Variants in CHCHD6 observed in about 807,000 individuals in gnomAD.
CHCHD6 encodes the protein coiled-coil-helix-coiled-coil-helix domain containing 6.
A neutral mutation model predicts 32.3 loss-of-function variants in CHCHD6; 28 were observed. That is an observed-to-expected ratio of 0.87 (90% CI 0.64 to 1.19). The LOEUF (loss-of-function observed/expected upper bound fraction) is 1.19, where lower values mean the gene tolerates loss of function less well. Ranked by LOEUF, CHCHD6 falls within the 50% of genes most tolerant of loss-of-function variation. The pLI, the probability that CHCHD6 is intolerant of heterozygous loss-of-function variation, is 0.00. For missense variants in CHCHD6, 333 were observed against 307.0 expected, an observed-to-expected ratio of 1.08 and a Z score of -0.63; for synonymous variants, 122 against 117.5, an observed-to-expected ratio of 1.04 and a Z score of -0.25.
chr3:126,834,152 A>G (rs1940762166), intron 4 of CHCHD6, among the ~76,000 whole-genome samples: 1 of 151,854 alleles, frequency 6.6e-6, no homozygotes, highest in Non-Finnish European at 1.5e-5. Flanking sequence ...GTGTAAATTC[A>G]GTTCAACATA....
chr3:126,905,636 A>T (rs527974867), intron 5 of CHCHD6, among the ~76,000 whole-genome samples: 6 of 152,228 alleles, frequency 3.9e-5, no homozygotes, highest in African/African-American at 1.4e-4. Context: ...CAGTCAGGGG[A>T]TGGAGCAGCG....
intron 1 of CHCHD6, among the ~76,000 whole-genome samples, chr3:126,717,684 G>C (rs1021300591): frequency 6.6e-6 from 1 of 152,162 alleles, no homozygotes; most frequent in Non-Finnish European, 1.5e-5. Context: ...CTGGCATTTT[G>C]GTTAGGGTCA....
chr3:126,934,043 T>G (rs966198713), intron 6 of CHCHD6, among the ~76,000 whole-genome samples: 1 of 152,216 alleles, frequency 6.6e-6, no homozygotes, highest in African/African-American at 2.4e-5. Context: ...GCCTTGAGCA[T>G]TTCCCTGGGC....
chr3:126,863,312 C>CTA (rs1942032451), intron 5 of CHCHD6, among the ~76,000 whole-genome samples: 1 of 124,454 alleles, frequency 8.0e-6, no homozygotes, highest in African/African-American at 3.5e-5. Flanking sequence ...TCCTCCTCCT[C>CTA]CATCACCACC....
Position 126,704,403 on chromosome 3 carries a change from A to T in CHCHD6, c.87+4A>T. ...CCGGGTGCTGCAGGGTGTCCGGGTGAGCGGCGCCGCCTGGGCCGGGGCGGG... is the reference window on the plus strand; with the variant it reads ...CCGGGTGCTGCAGGGTGTCCGGGTGTGCGGCGCCGCCTGGGCCGGGGCGGG... On this transcript the variant is annotated splice_donor_region_variant and intron_variant, in intron 1 of 7. Transcript: ENST00000290913. The T allele has an allele frequency of 6.6e-7, 1 of 1,519,648 alleles. No homozygotes were observed. The allele number at this position is 1,519,648 out of a possible 1,614,324, so 94.1% of individuals were successfully genotyped here.
intron 4 of CHCHD6, among the ~76,000 whole-genome samples, chr3:126,746,153 G>A (rs1426890537): frequency 6.6e-6 from 1 of 152,158 alleles, no homozygotes; most frequent in African/African-American, 2.4e-5. Context: ...AAAGCTCTGA[G>A]GCCGCTGGGA....
At chr3:126,868,139 C>A (rs1296938035) in intron 5 of CHCHD6, among the ~76,000 whole-genome samples, 2 of 152,208 alleles carry the variant, frequency 1.3e-5, no homozygotes, top group Admixed American at 6.5e-5. Context: ...GTAGGGCTGC[C>A]ACATGTGGTG....
At chr3:126,787,190 G>A (rs1938259337) in intron 4 of CHCHD6, among the ~76,000 whole-genome samples, 1 of 152,194 alleles carries the variant, frequency 6.6e-6, no homozygotes, top group African/African-American at 2.4e-5. Flanking sequence ...CTGTATCTCT[G>A]TTTTGTTACC....
intron 6 of CHCHD6, among the ~76,000 whole-genome samples, chr3:126,945,636 A>G (rs73209644): frequency 0.02 from 2,524 of 123,178 alleles, 39 homozygotes; most frequent in Middle Eastern, 0.037. Flanking sequence ...GGGGAGACTC[A>G]AGTCGGGAGA....
intron 4 of CHCHD6, among the ~76,000 whole-genome samples, chr3:126,813,172 C>T (rs1436504426): frequency 6.6e-6 from 1 of 152,170 alleles, no homozygotes; most frequent in Non-Finnish European, 1.5e-5. Context: ...TTCAGATCTT[C>T]ATTTTGCCTT....
chr3:126,771,457 C>T (rs9828159), intron 4 of CHCHD6, among the ~76,000 whole-genome samples: 1 of 152,138 alleles, frequency 6.6e-6, no homozygotes, highest in Non-Finnish European at 1.5e-5. Context: ...GATCCGCCCA[C>T]CTCGGCCTCC....
At chr3:126,858,611 T>A (rs1416607160) in intron 5 of CHCHD6, among the ~76,000 whole-genome samples, 1 of 152,192 alleles carries the variant, frequency 6.6e-6, no homozygotes, top group African/African-American at 2.4e-5. Flanking sequence ...CACCTGTGTT[T>A]GCCTCGCCTC....
chr3:126,727,842 A>C (rs577539683), intron 2 of CHCHD6, among the ~76,000 whole-genome samples: 1 of 152,372 alleles, frequency 6.6e-6, no homozygotes, highest in African/African-American at 2.4e-5. Context: ...AAGGAAATAA[A>C]ATTTTAAGGA....
intron 4 of CHCHD6, among the ~76,000 whole-genome samples, chr3:126,751,861 G>C (rs942700353): frequency 6.6e-6 from 1 of 152,214 alleles, no homozygotes; most frequent in Non-Finnish European, 1.5e-5. Context: ...GCTTAGAGCA[G>C]CACCAGGTGC....
intron 4 of CHCHD6, among the ~76,000 whole-genome samples, chr3:126,813,638 G>A (rs193133886): frequency 3.3e-5 from 5 of 152,242 alleles, no homozygotes; most frequent in East Asian, 3.9e-4. Flanking sequence ...GGCTTTGCAC[G>A]GGTACCCAGA....
At chr3:126,952,211 T>A (rs1691262181) in intron 6 of CHCHD6, among the ~76,000 whole-genome samples, 1 of 152,142 alleles carries the variant, frequency 6.6e-6, no homozygotes, top group African/African-American at 2.4e-5. Context: ...GGGCTAGGGC[T>A]CTCCTGTAGG....
At chr3:126,915,065 C>T (rs530113756) in intron 6 of CHCHD6, among the ~76,000 whole-genome samples, 2 of 152,352 alleles carry the variant, frequency 1.3e-5, no homozygotes, top group East Asian at 1.9e-4. Flanking sequence ...AGGAGCTGGC[C>T]GTCAGGCCCC....
chr3:126,747,468 C>A (rs1936552623), intron 4 of CHCHD6, among the ~76,000 whole-genome samples: 2 of 152,190 alleles, frequency 1.3e-5, no homozygotes, highest in Admixed American at 1.3e-4. Context: ...AAGCTCTCAA[C>A]AGAAATTATG....
intron 5 of CHCHD6, among the ~76,000 whole-genome samples, chr3:126,869,211 G>A (rs370706211): frequency 3.3e-5 from 5 of 151,328 alleles, no homozygotes; most frequent in Admixed American, 1.3e-4. Context: ...TTATTTCATA[G>A]GTTAATATTG....
Sources: gnomAD v4.1 joint callset for allele counts (sites outside exome capture counted in the v4.1 genomes callset) on GRCh38, gnomAD v4.1.1 for gene constraint, MANE v1.5 for transcripts, NCBI Gene and HGNC (gene_info 2026-07-23, HGNC 2026-07-21) for gene names.